EFCAB6: variants seen among roughly 807,000 people sequenced by gnomAD.
The protein encoded by EFCAB6 is EF-hand calcium-binding domain-containing protein 6.
In EFCAB6, 156 loss-of-function variants were observed where a neutral mutation model predicts 169.8. That is an observed-to-expected ratio of 0.92 (90% CI 0.81 to 1.05). The LOEUF (loss-of-function observed/expected upper bound fraction) is 1.05. Ranked by LOEUF, EFCAB6 falls within the 50% of genes least tolerant of loss-of-function variation. The pLI, the probability that EFCAB6 is intolerant of heterozygous loss-of-function variation, is 0.00. For missense variants in EFCAB6, 1,800 were observed against 1,829.1 expected (o/e 0.98, Z 0.29); for synonymous variants, 698 against 676.4 (o/e 1.03, Z -0.50).
Position 43,627,251 on chromosome 22 carries a change from T to C in EFCAB6, c.2233-572A>G, listed in dbSNP as rs537634830. The stretch of plus-strand genomic sequence containing the variant: ...GTTGGAGGGCACAGGGATTCCTATT[T>C]TGCAGATGAGGAAACAGAGGCTCAG... On this transcript the variant is annotated intron_variant, in intron 19 of 31. Transcript: ENST00000262726. 1.2e-4 allele frequency among the ~76,000 whole-genome samples: 18 copies of C among 152,296 alleles called. No individual in the cohort carries two copies. In the South Asian group the frequency reaches 3.5e-3, roughly 30 times the overall value.
chr22:43,648,043 C>T (rs1425355859), intron 17 of EFCAB6, among the ~76,000 whole-genome samples: 1 of 152,030 alleles, frequency 6.6e-6, no homozygotes, highest in Non-Finnish European at 1.5e-5. Context: ...AACCCTAACC[C>T]TATTAGGAAA....
Position 43,760,655 on chromosome 22 carries a change from A to ATT in EFCAB6, c.440+4648_440+4649dup, listed in dbSNP as rs71188411. On this transcript the variant is annotated intron_variant, in intron 5 of 31. Transcript: ENST00000262726. ...CGCCCTCTTGAATAGGAGTAGGTGC[A>ATT]TTTTTTTTTTTTTTTTTCCTGAGAT... Among the ~76,000 whole-genome samples, 1,295 of 138,940 alleles carry ATT rather than the reference A, an allele frequency of 9.3e-3. 23 individuals carry two copies. The highest frequency in any genetic ancestry group is 0.023 in the African/African-American group (865 of 37,318). 91.2% of individuals were successfully genotyped at this position (138,940 alleles called of 152,430 possible). A position where few individuals can be genotyped will look rare whatever the true frequency, so the allele number is the denominator to read the frequency against.
At chr22:43,613,140 T>C (rs1602608847) in intron 21 of EFCAB6, among the ~76,000 whole-genome samples, 1 of 147,848 alleles carries the variant, frequency 6.8e-6, no homozygotes, top group Non-Finnish European at 1.5e-5. Flanking sequence ...AACATAAATA[T>C]ATAAATATCA....
At chr22:43,792,758 A>G (rs2062350200) in intron 2 of EFCAB6, among the ~76,000 whole-genome samples, 1 of 152,194 alleles carries the variant, frequency 6.6e-6, no homozygotes, top group South Asian at 2.1e-4. Context: ...TCTCTCTTCC[A>G]GAACCAGAAG....
rs1488712423 is a variant in EFCAB6 at position 43,678,079 on chromosome 22, C to A, written c.1336G>T (p.Glu446Ter). The A allele has an allele frequency of 6.2e-7, 1 of 1,612,496 alleles. No individual in the cohort carries two copies. Among genetic ancestry groups the A allele is most frequent in the East Asian group, 2.2e-5 (1 of 44,768 alleles). ...CCAGGGTCAAGCATTTGCATTAGTT[C>A]TTTGAATTCTGAATCGCTTAGTTTT... ...AVKLSDSEFKELMQMLDPGDT... is the reference protein window; with the variant it reads ...AVKLSDSEFK The change falls in exon 13 of 32, where the codon GAA becomes TAA. Residue 446 changes from glutamate to a stop codon, truncating the protein, a stop_gained. Transcript: ENST00000262726. LOFTEE classifies it high-confidence loss of function.
intron 7 of EFCAB6, among the ~76,000 whole-genome samples, chr22:43,735,298 T>TCACCCTCCTGCCGCACACCC (rs67470752): frequency 1.1e-4 from 17 of 148,150 alleles, no homozygotes; most frequent in Admixed American, 2.0e-4. Flanking sequence ...CTGCTGTTCG[T>TCACCCTCCTGCCGCACACCC]CACCCTCCTG....
intron 17 of EFCAB6, among the ~76,000 whole-genome samples, chr22:43,639,137 GT>G (rs527927333): frequency 3.9e-5 from 6 of 152,138 alleles, no homozygotes; most frequent in African/African-American, 1.4e-4. Flanking sequence ...CAATGCCATG[GT>G]TTTTGTTTTG....
intron 2 of EFCAB6, among the ~76,000 whole-genome samples, chr22:43,793,801 C>T (rs1007478413): frequency 6.6e-6 from 1 of 152,164 alleles, no homozygotes; most frequent in African/African-American, 2.4e-5. Flanking sequence ...CAACAGACAC[C>T]ATCCATCGGT....
In EFCAB6 at chr22:43,668,748, T is replaced by A. The variant is rs375035059; in HGVS notation, c.1814+124A>T. 5.8e-6 allele frequency: 5 copies of A among 868,506 alleles called. No homozygotes were observed. The African/African-American group carries it at 7.0e-5, about 12-fold the overall frequency. The allele number at this position is 868,506 out of a possible 1,614,324, so 53.8% of individuals were successfully genotyped here. ...CTGACTCTAATTACTGTCTTTCTAG[T>A]GTGCCATCTTTCTTATTTATAAAAT... On this transcript the variant is annotated intron_variant, in intron 16 of 31. Transcript: ENST00000262726.
At chr22:43,805,213 T>C (rs2062875053) in intron 2 of EFCAB6, among the ~76,000 whole-genome samples, 1 of 152,078 alleles carries the variant, frequency 6.6e-6, no homozygotes, top group Non-Finnish European at 1.5e-5. Context: ...TGAAAGAAAT[T>C]GAAGAGGACA....
intron 2 of EFCAB6, among the ~76,000 whole-genome samples, chr22:43,796,046 C>A (rs1215139984): frequency 6.6e-6 from 1 of 150,984 alleles, no homozygotes; most frequent in Non-Finnish European, 1.5e-5. Context: ...GACACACACA[C>A]CACACACACA....
At chr22:43,543,038 G>A (rs2047836674) in intron 27 of EFCAB6, among the ~76,000 whole-genome samples, 1 of 152,126 alleles carries the variant, frequency 6.6e-6, no homozygotes, top group African/African-American at 2.4e-5. Context: ...GGCAACAGAG[G>A]GCTACTTGCC....
In EFCAB6 at chr22:43,735,919, C is replaced by T. The variant is rs143032558; in HGVS notation, c.582G>A (p.Pro194=). ...IDVNKTGLVR[P]QELRRVLETF... Reference sequence around the variant, plus strand: ...TCTCCAGAACCCTTCTTAGCTCCTGCGGTCGAACCAGTCCAGTCTTGTTAA... The same window carrying T: ...TCTCCAGAACCCTTCTTAGCTCCTGTGGTCGAACCAGTCCAGTCTTGTTAA... Residue 194 remains proline, a synonymous_variant, in exon 7 of 32, where the codon CCG becomes CCA. Coordinates refer to ENST00000262726, the MANE Select transcript of EFCAB6 (RefSeq NM_022785.4). 3.5e-5 allele frequency: 57 copies of T among 1,613,992 alleles called. No homozygotes were observed. Among genetic ancestry groups the T allele is most frequent in the Admixed American group, 6.7e-5 (4 of 60,002 alleles).
intron 12 of EFCAB6, among the ~76,000 whole-genome samples, chr22:43,681,150 T>C (rs995149077): frequency 1.3e-5 from 2 of 152,224 alleles, no homozygotes; most frequent in South Asian, 2.1e-4. Flanking sequence ...TTCTAATTTG[T>C]GGAAAGTTAT....
At chr22:43,548,851 C>A (rs1451479113) in intron 27 of EFCAB6, among the ~76,000 whole-genome samples, 1 of 152,088 alleles carries the variant, frequency 6.6e-6, no homozygotes, top group Admixed American at 6.5e-5. Flanking sequence ...TGCATACTAT[C>A]CATCCACAAA....
intron 4 of EFCAB6, among the ~76,000 whole-genome samples, chr22:43,768,493 C>G (rs2061383060): frequency 6.6e-6 from 1 of 152,172 alleles, no homozygotes; most frequent in African/African-American, 2.4e-5. Flanking sequence ...TCTAGAAAAG[C>G]CACAGATGCT....
In EFCAB6 at chr22:43,540,286, C is replaced by A; in HGVS notation, c.3720G>T (p.Arg1240Ser). Residue 1240 changes from arginine to serine, a missense_variant, in exon 28 of 32, where the codon AGG becomes AGT. Physicochemically the swap from Arg to Ser is moderately radical, Grantham distance 110 (BLOSUM62 -1). Coordinates refer to ENST00000262726, the MANE Select transcript of EFCAB6 (RefSeq NM_022785.4). ...GTGTGGCTGCTGTCTCGGAACTGAA[C>A]CTGCTCAGGAAGTCCGGGTATTTCA... ...GRLKYPDFLS[R>S]FSSETAATPM... The A allele has an allele frequency of 6.2e-7, 1 of 1,614,216 alleles. No individual in the cohort carries two copies. The highest frequency in any genetic ancestry group is 8.5e-7 in the Non-Finnish European group (1 of 1,180,040).
intron 10 of EFCAB6, among the ~76,000 whole-genome samples, chr22:43,703,575 A>G (rs1219505346): frequency 1.3e-5 from 2 of 149,534 alleles, no homozygotes; most frequent in Non-Finnish European, 3.0e-5. Context: ...TCAGTGAGCT[A>G]CAAGAATAGA....
chr22:43,554,677 A>G, intron 27 of EFCAB6, 192 bp downstream of exon 27: 1 of 604,262 alleles, frequency 1.7e-6, no homozygotes, highest in Non-Finnish European at 2.9e-6. Context: ...CCCTGATGAA[A>G]ATGGTGTAAT....
Sources: gnomAD v4.1 joint callset for allele counts (sites outside exome capture counted in the v4.1 genomes callset) on GRCh38, gnomAD v4.1.1 for gene constraint, MANE v1.5 for transcripts, NCBI Gene and HGNC (gene_info 2026-07-23, HGNC 2026-07-21) for gene names.